MORC1: variants seen among roughly 807,000 people sequenced by gnomAD.
MORC1 encodes the protein MORC family CW-type zinc finger protein 1.
A neutral mutation model predicts 134.9 loss-of-function variants in MORC1; 59 were observed. The observed-to-expected ratio is 0.44, with a 90% CI of 0.35 to 0.54. MORC1 has a LOEUF of 0.54. MORC1 is among the 20% of genes least tolerant of loss of function. The pLI is 0.00. For synonymous variants in MORC1, 395 were observed against 391.7 expected (o/e 1.01, Z -0.10); for missense variants, 947 against 1,134.5 (o/e 0.83, Z 2.37).
At chr3:109,095,893 C>T (rs1218928369) in intron 6 of MORC1, among the ~76,000 whole-genome samples, 5 of 152,202 alleles carry the variant, frequency 3.3e-5, no homozygotes, top group African/African-American at 9.6e-5. Flanking sequence ...CCAGGCCCCA[C>T]TCACAGTCTC....
intron 21 of MORC1, among the ~76,000 whole-genome samples, chr3:108,989,232 T>G (rs923291312): frequency 1.6e-4 from 24 of 152,226 alleles, no homozygotes; most frequent in African/African-American, 5.8e-4. Context: ...GGTTTCCTTA[T>G]AGAAATGTTC....
intron 14 of MORC1, among the ~76,000 whole-genome samples, chr3:109,040,919 T>C (rs1450879748): frequency 1.0e-4 from 15 of 145,454 alleles, no homozygotes; most frequent in Admixed American, 8.7e-4. Context: ...TAAAGAAATA[T>C]AGAACTTAAA....
At chr3:108,990,338 C>T (rs1184892077) in intron 21 of MORC1, among the ~76,000 whole-genome samples, 1 of 151,990 alleles carries the variant, frequency 6.6e-6, no homozygotes, top group Non-Finnish European at 1.5e-5. Flanking sequence ...TAATCTGACC[C>T]CCCCACCTCT....
At chr3:108,969,786 A>G (rs1194042703) in intron 25 of MORC1, 64 bp from the exon 26 acceptor site, 6 of 1,470,022 alleles carry the variant, frequency 4.1e-6, no homozygotes, top group Admixed American at 1.7e-5. Flanking sequence ...TCTACAGCAG[A>G]GTTATATCAC....
At chr3:109,058,087 A>C (rs1168343914) in intron 12 of MORC1, among the ~76,000 whole-genome samples, 1 of 152,220 alleles carries the variant, frequency 6.6e-6, no homozygotes, top group Non-Finnish European at 1.5e-5. Flanking sequence ...ATAGAAATTG[A>C]GAAATACCAA....
chr3:109,104,440 T>G (rs1305859168), intron 3 of MORC1, among the ~76,000 whole-genome samples: 1 of 152,210 alleles, frequency 6.6e-6, no homozygotes, highest in East Asian at 1.9e-4. Flanking sequence ...CAAGACGCAC[T>G]TAATTTTTGA....
chr3:109,064,435 A>G (rs1950153110), intron 9 of MORC1, among the ~76,000 whole-genome samples: 1 of 152,208 alleles, frequency 6.6e-6, no homozygotes, highest in Non-Finnish European at 1.5e-5. Flanking sequence ...AGAAGTATAG[A>G]GCATGACTTA....
At chr3:109,039,813 G>A (rs2107629091) in intron 14 of MORC1, among the ~76,000 whole-genome samples, 1 of 152,164 alleles carries the variant, frequency 6.6e-6, no homozygotes, top group South Asian at 2.1e-4. Flanking sequence ...TTTTTGTTAT[G>A]CCTCTCCCTC....
intron 17 of MORC1, among the ~76,000 whole-genome samples, chr3:109,010,079 T>G (rs369998333): frequency 6.6e-6 from 1 of 152,230 alleles, no homozygotes; most frequent in Non-Finnish European, 1.5e-5. Flanking sequence ...AAAGGCTAGA[T>G]AGTAAATAGT....
chr3:109,097,571 C>G (rs1950852180), intron 6 of MORC1, among the ~76,000 whole-genome samples: 1 of 152,102 alleles, frequency 6.6e-6, no homozygotes, highest in African/African-American at 2.4e-5. Context: ...AGGATGGCAG[C>G]TGAACACCAC....
At position 109,042,502 on chromosome 3, in the gene MORC1, A is replaced by C. The variant is rs150393619; in HGVS notation, c.1331-7034T>G. On this transcript the variant is annotated intron_variant, in intron 14 of 27. Transcript: ENST00000232603. ...GGCAAGAGTATGAATTAGTGTAGCCATTATGAAAAATAATATGGAGTTTCC... is the reference window on the plus strand; with the variant it reads ...GGCAAGAGTATGAATTAGTGTAGCCCTTATGAAAAATAATATGGAGTTTCC... 3.0e-3 allele frequency among the ~76,000 whole-genome samples: 459 copies of C among 152,322 alleles called. 1 individual carries two copies. The highest frequency in any genetic ancestry group is 4.5e-3 in the Non-Finnish European group (308 of 68,020).
chr3:109,005,589 T>C (rs984137876), intron 18 of MORC1, among the ~76,000 whole-genome samples: 2 of 152,166 alleles, frequency 1.3e-5, no homozygotes, highest in Non-Finnish European at 2.9e-5. Context: ...GCATTCTGAC[T>C]TTCCCCCAAT....
At chr3:109,053,431 A>C (rs1264873324) in intron 14 of MORC1, among the ~76,000 whole-genome samples, 1 of 152,198 alleles carries the variant, frequency 6.6e-6, no homozygotes, top group Non-Finnish European at 1.5e-5. Context: ...ATGCCATGGA[A>C]TACTACACAG....
intron 14 of MORC1, among the ~76,000 whole-genome samples, chr3:109,051,728 C>T (rs916151006): frequency 1.3e-5 from 2 of 152,012 alleles, no homozygotes; most frequent in Non-Finnish European, 2.9e-5. Context: ...CCTATTATAT[C>T]TGTTGAAAAG....
At chr3:109,025,372 C>CTTTTTTTTTTTTTTT in intron 17 of MORC1, among the ~76,000 whole-genome samples, 1 of 109,028 alleles carries the variant, frequency 9.2e-6, no homozygotes, top group Non-Finnish European at 1.9e-5. Flanking sequence ...GTTTCTTTTT[C>CTTTTTTTTTTTTTTT]TTTTTTCTTT....
chr3:109,074,898 A>T (rs968804032), intron 8 of MORC1, among the ~76,000 whole-genome samples: 1 of 152,158 alleles, frequency 6.6e-6, no homozygotes, highest in Non-Finnish European at 1.5e-5. Flanking sequence ...TATGAAGTAG[A>T]TGATGTTATA....
chr3:109,028,093 A>C (rs183735584), intron 16 of MORC1, among the ~76,000 whole-genome samples: 1 of 152,202 alleles, frequency 6.6e-6, no homozygotes, highest in Non-Finnish European at 1.5e-5. Flanking sequence ...CCTAATAAAA[A>C]ATGTGGACAG....
intron 27 of MORC1, among the ~76,000 whole-genome samples, chr3:108,960,067 A>C (rs1441305826): frequency 6.6e-6 from 1 of 152,220 alleles, no homozygotes; most frequent in Non-Finnish European, 1.5e-5. Flanking sequence ...AGAAATCAGC[A>C]GTTAACAAAT....
chr3:109,078,253 T>A (rs1192324670), intron 8 of MORC1, among the ~76,000 whole-genome samples: 3 of 152,076 alleles, frequency 2.0e-5, no homozygotes, highest in Non-Finnish European at 4.4e-5. Context: ...TCTGTCCTTA[T>A]CAGAGATTCA....
Sources: allele counts gnomAD v4.1 joint callset (sites outside exome capture counted in the v4.1 genomes callset), GRCh38; gene constraint gnomAD v4.1.1; transcripts MANE v1.5; gene names NCBI Gene and HGNC (gene_info 2026-07-23, HGNC 2026-07-21).